The following AHI1 variants were observed in gnomAD, a reference collection of about 807,000 sequenced individuals.
The protein encoded by AHI1 is Abelson helper integration site 1, also known as jouberin.
A neutral mutation model predicts 149.3 loss-of-function variants in AHI1; 123 were observed. The ratio of observed to expected loss-of-function variants is 0.82; its 90% CI spans 0.71 to 0.96. AHI1 has a LOEUF of 0.96. AHI1 is among the 40% of genes least tolerant of loss of function. AHI1 has a pLI of 0.00. For missense variants in AHI1, 1,439 were observed against 1,422.7 expected (o/e 1.01, Z -0.18); for synonymous variants, 475 against 459.8 (o/e 1.03, Z -0.42).
At chr6:135,366,440 T>C (rs1046332158) in intron 23 of AHI1, among the ~76,000 whole-genome samples, 10 of 152,150 alleles carry the variant, frequency 6.6e-5, no homozygotes, top group African/African-American at 2.4e-4. Flanking sequence ...ATGGCAAATT[T>C]TTTATTACCA....
At chr6:135,319,578 T>G (rs1360082110) in intron 25 of AHI1, among the ~76,000 whole-genome samples, 1 of 152,242 alleles carries the variant, frequency 6.6e-6, no homozygotes, top group Non-Finnish European at 1.5e-5. Flanking sequence ...AATTTAAGAT[T>G]CTTACAATCC....
At position 135,463,299 on chromosome 6, in the gene AHI1, T is replaced by C. The variant is rs966319786; in HGVS notation, c.757A>G (p.Thr253Ala). The C allele has an allele frequency of 9.4e-6, 15 of 1,603,552 alleles. No homozygotes were observed. The highest frequency in any genetic ancestry group is 1.2e-5 in the Non-Finnish European group (14 of 1,177,052). Residue 253 changes from threonine (T) to alanine (A), a missense_variant, in exon 8 of 29, where the codon ACC becomes GCC. By Grantham distance (58) the Thr-to-Ala change is moderately conservative (BLOSUM62 0). Coordinates refer to ENST00000265602, the MANE Select transcript of AHI1 (RefSeq NM_001134831.2). ...VFSKAETSTL[T>A]ISGDTVEGEQ... ...CCTTCAACTGTGTCACCAGAGATGG[T>C]CAATGTACTACAAATATAATCCAAG...
chr6:135,414,146 G>C (rs1490144521), intron 20 of AHI1, among the ~76,000 whole-genome samples: 2 of 152,162 alleles, frequency 1.3e-5, no homozygotes, highest in East Asian at 3.8e-4. Flanking sequence ...CAACAGAATA[G>C]TATAGAGTGC....
chr6:135,401,127 T>C (rs1052871134), intron 22 of AHI1, among the ~76,000 whole-genome samples: 2 of 152,210 alleles, frequency 1.3e-5, no homozygotes, highest in Non-Finnish European at 2.9e-5. Flanking sequence ...GTTTTCTTCC[T>C]AGATGAGGAT....
chr6:135,378,299 T>C (rs973509092), intron 23 of AHI1, among the ~76,000 whole-genome samples: 16 of 152,260 alleles, frequency 1.1e-4, no homozygotes, highest in African/African-American at 3.9e-4. Flanking sequence ...ATAAAATGAA[T>C]ACATAAAGTT....
At chr6:135,420,327 C>G (rs985951754) in intron 20 of AHI1, among the ~76,000 whole-genome samples, 1 of 152,132 alleles carries the variant, frequency 6.6e-6, no homozygotes, top group African/African-American at 2.4e-5. Flanking sequence ...TATGGACTTA[C>G]GAAATGTATT....
intron 26 of AHI1, chr6:135,305,084 G>C (rs1784384559): frequency 6.6e-6 from 1 of 152,154 alleles, no homozygotes; most frequent in African/African-American, 2.4e-5. Flanking sequence ...CTGAAGAATG[G>C]GAGAATGGAT....
chr6:135,388,319 T>A (rs926569966), intron 23 of AHI1, among the ~76,000 whole-genome samples: 13 of 152,240 alleles, frequency 8.5e-5, no homozygotes, highest in African/African-American at 3.1e-4. Context: ...TCTGACGAGA[T>A]GAGAAAGTCT....
intron 18 of AHI1, among the ~76,000 whole-genome samples, 198 bp downstream of exon 18, chr6:135,429,684 C>T (rs891946120): frequency 6.6e-6 from 1 of 150,908 alleles, no homozygotes; most frequent in African/African-American, 2.4e-5. Context: ...CTGTAGGATG[C>T]TTAGCAATAT....
At chr6:135,452,083 T>C (rs1788208315) in intron 11 of AHI1, among the ~76,000 whole-genome samples, 1 of 152,202 alleles carries the variant, frequency 6.6e-6, no homozygotes, top group Admixed American at 6.5e-5. Flanking sequence ...CTCAACTGGA[T>C]TTTAACAGCA....
At chr6:135,384,620 A>G (rs1237295837) in intron 23 of AHI1, among the ~76,000 whole-genome samples, 1 of 152,336 alleles carries the variant, frequency 6.6e-6, no homozygotes, top group East Asian at 1.9e-4. Flanking sequence ...ATGCCACCAC[A>G]AAATCTTCAA....
chr6:135,328,371 G>A (rs1180528444), intron 24 of AHI1, among the ~76,000 whole-genome samples: 2 of 152,136 alleles, frequency 1.3e-5, no homozygotes, highest in Non-Finnish European at 2.9e-5. Flanking sequence ...TTGTGTCTGT[G>A]TGTCATATTC....
Position 135,297,088 on chromosome 6 carries a change from T to C in AHI1, c.3485+3412A>G, listed in dbSNP as rs556494624. On this transcript the variant is annotated intron_variant, in intron 27 of 28. Coordinates refer to ENST00000265602, the MANE Select transcript of AHI1 (RefSeq NM_001134831.2). ...GGCTAATCCTGACCCTTCCTCTTTA[T>C]GGCAGTAGCATCGAGGTCTAGGACA... Among the ~76,000 whole-genome samples, 17 of 152,350 alleles carry C rather than the reference T, an allele frequency of 1.1e-4. No homozygotes were observed. In the East Asian group the frequency reaches 3.3e-3, roughly 29 times the overall value.
At chr6:135,470,605 T>C (rs966615679) in intron 5 of AHI1, among the ~76,000 whole-genome samples, 7 of 150,042 alleles carry the variant, frequency 4.7e-5, no homozygotes, top group Admixed American at 4.6e-4. Flanking sequence ...GAAAATGTGG[T>C]TCATATATAC....
intron 13 of AHI1, among the ~76,000 whole-genome samples, chr6:135,445,008 C>T (rs113732372): frequency 0.034 from 5,162 of 152,282 alleles, 142 homozygotes; most frequent in African/African-American, 0.069. Context: ...TTCTCTGAAG[C>T]ATATCTGAAA....
intron 23 of AHI1, among the ~76,000 whole-genome samples, chr6:135,393,030 T>C (rs1234215213): frequency 1.3e-5 from 2 of 152,194 alleles, no homozygotes; most frequent in Non-Finnish European, 2.9e-5. Flanking sequence ...GACATATTAG[T>C]AACCAAATGG....
In AHI1 at chr6:135,385,381, A is replaced by C. The variant is rs149252568; in HGVS notation, c.3109+9395T>G. ...AGCAAAGGAGAATGAAGAGTGCCTA[A>C]TGAGATAAGAGGCAAAACAAGAGAA... On this transcript the variant is annotated intron_variant, in intron 23 of 28. Transcript: ENST00000265602. 4.5e-4 allele frequency among the ~76,000 whole-genome samples: 69 copies of C among 152,300 alleles called. No individual in the cohort carries two copies. The East Asian group carries it at 0.011, about 24-fold the overall frequency.
intron 5 of AHI1, among the ~76,000 whole-genome samples, chr6:135,469,595 A>T: frequency 6.6e-6 from 1 of 152,210 alleles, no homozygotes; most frequent in Non-Finnish European, 1.5e-5. Context: ...TAACCAAAAC[A>T]GCATGGTACA....
At chr6:135,416,446 T>C (rs1359886122) in intron 20 of AHI1, among the ~76,000 whole-genome samples, 1 of 152,014 alleles carries the variant, frequency 6.6e-6, no homozygotes, top group African/African-American at 2.4e-5. Flanking sequence ...AGTTAGTGTG[T>C]ACTGAAGCAC....
Sources: gnomAD v4.1 joint callset for allele counts (sites outside exome capture counted in the v4.1 genomes callset) on GRCh38, gnomAD v4.1.1 for gene constraint, MANE v1.5 for transcripts, NCBI Gene and HGNC (gene_info 2026-07-23, HGNC 2026-07-21) for gene names.